The following THSD4 variants were observed in gnomAD, a reference collection of about 807,000 sequenced individuals.
The protein encoded by THSD4 is thrombospondin type-1 domain-containing protein 4.
Under a neutral mutation model 119.0 loss-of-function variants are expected in THSD4, and 69 were observed. That is an observed-to-expected ratio of 0.58 (90% confidence interval 0.48 to 0.71). The LOEUF (loss-of-function observed/expected upper bound fraction) is 0.71, where lower values mean the gene tolerates loss of function less well. Among genes scored for constraint, THSD4 ranks in the 30% least tolerant of loss-of-function variants. The pLI, the probability that THSD4 is intolerant of heterozygous loss-of-function variation, is 0.00. For missense variants in THSD4, 1,393 were observed against 1,391.1 expected (o/e 1.00, Z -0.02); for synonymous variants, 524 against 540.4 (o/e 0.97, Z 0.42).
At chr15:71,496,831 C>T (rs534418974) in intron 7 of THSD4, among the ~76,000 whole-genome samples, 4 of 152,284 alleles carry the variant, frequency 2.6e-5, no homozygotes, top group Admixed American at 1.3e-4. Flanking sequence ...TGACATGGCT[C>T]CTCCCTTCTT....
intron 3 of THSD4, among the ~76,000 whole-genome samples, chr15:71,183,723 T>TCTATTGTCATGGGCA: frequency 6.6e-6 from 1 of 151,320 alleles, no homozygotes; most frequent in South Asian, 2.1e-4. Context: ...GTACTTTCCT[T>TCTATTGTCATGGGCA]CTATCTACCC....
chr15:71,252,253 G>A (rs985293797), intron 5 of THSD4, among the ~76,000 whole-genome samples: 10 of 152,194 alleles, frequency 6.6e-5, no homozygotes, highest in African/African-American at 2.4e-4. Context: ...TACTGATAAG[G>A]TGAAGGTGAC....
rs112343255 is a variant in THSD4 at position 71,641,525 on chromosome 15, A to G, written c.1153-19005A>G. ...AATTATTTTTTCCCATTTATGATTG[A>G]CAGAAAGGTTATGCGTCTTGCCTGA... On this transcript the variant is annotated intron_variant, in intron 7 of 17. Transcript: ENST00000261862. Among the ~76,000 whole-genome samples, 375 of 152,118 alleles carry G rather than the reference A, an allele frequency of 2.5e-3. 3 individuals are homozygous for G. The highest frequency in any genetic ancestry group is 8.3e-3 in the African/African-American group (345 of 41,496).
At chr15:71,367,299 T>A (rs151009288) in intron 6 of THSD4, among the ~76,000 whole-genome samples, 1,797 of 152,282 alleles carry the variant, frequency 0.012, 13 homozygotes, top group Middle Eastern at 0.02. Context: ...TTCTTTTTTT[T>A]ATTATTATTA....
At position 71,106,257 on chromosome 15, in the gene THSD4, G is replaced by A. The variant is rs186361463; in HGVS notation, c.-80+9251G>A. 3.9e-5 allele frequency among the ~76,000 whole-genome samples: 6 copies of A among 152,118 alleles called. No individual in the cohort carries two copies. In the East Asian group the frequency reaches 9.7e-4, roughly 25 times the overall value. On this transcript the variant is annotated intron_variant, in intron 1 of 17. Coordinates refer to the THSD4 transcript ENST00000355327. The stretch of plus-strand genomic sequence containing the variant: ...AATTGCAAGGACTTCCCACTGTGAC[G>A]CAGGCCTCAGTTCTACACAGCTGCT...
chr15:71,285,452 G>C (rs117113653), intron 6 of THSD4, among the ~76,000 whole-genome samples: 2 of 152,114 alleles, frequency 1.3e-5, no homozygotes, highest in Non-Finnish European at 2.9e-5. Context: ...CATGAATTGC[G>C]CTTCACCTCC....
chr15:71,262,503 A>C (rs2044412661), intron 6 of THSD4, among the ~76,000 whole-genome samples: 1 of 152,120 alleles, frequency 6.6e-6, no homozygotes, highest in Admixed American at 6.5e-5. Flanking sequence ...GCCAAGGGTA[A>C]TGGGGCTGCA....
chr15:71,203,071 C>G (rs1478110768), intron 3 of THSD4, among the ~76,000 whole-genome samples: 1 of 152,058 alleles, frequency 6.6e-6, no homozygotes, highest in African/African-American at 2.4e-5. Context: ...TGGGAGAGAG[C>G]CTGCTTGATC....
intron 2 of THSD4, among the ~76,000 whole-genome samples, chr15:71,152,661 C>T (rs922948614): frequency 7.2e-5 from 11 of 152,086 alleles, no homozygotes; most frequent in African/African-American, 2.7e-4. Context: ...AGGTAACTGG[C>T]AAAGACGTTC....
At chr15:71,207,323 G>A (rs568430485) in intron 3 of THSD4, among the ~76,000 whole-genome samples, 1 of 152,194 alleles carries the variant, frequency 6.6e-6, no homozygotes, top group African/African-American at 2.4e-5. Context: ...TACTCTGGCT[G>A]TGGTCAATTA....
intron 5 of THSD4, among the ~76,000 whole-genome samples, chr15:71,250,081 A>G (rs2044244345): frequency 6.6e-6 from 1 of 152,192 alleles, no homozygotes; most frequent in African/African-American, 2.4e-5. Context: ...CATGCATTAT[A>G]CATTTTTGTT....
chr15:71,411,903 T>A (rs1596413189), intron 7 of THSD4, 80 bp downstream of exon 7: 1 of 1,571,060 alleles, frequency 6.4e-7, no homozygotes, highest in East Asian at 2.3e-5. Flanking sequence ...AGGGAGAGAC[T>A]AGGCTGCTAG....
At chr15:71,665,318 A>C (rs562388404) in intron 8 of THSD4, among the ~76,000 whole-genome samples, 1 of 143,080 alleles carries the variant, frequency 7.0e-6, no homozygotes, top group Non-Finnish European at 1.5e-5. Context: ...TCTTCTGTTC[A>C]TGTCTTTTGC....
intron 7 of THSD4, among the ~76,000 whole-genome samples, chr15:71,521,847 C>T (rs2048446075): frequency 6.6e-6 from 1 of 152,196 alleles, no homozygotes; most frequent in South Asian, 2.1e-4. Context: ...GCGTTTCAGA[C>T]TCCAGATGCC....
intron 10 of THSD4, chr15:71,733,733 A>G (rs1360900739): frequency 6.6e-6 from 1 of 151,916 alleles, no homozygotes; most frequent in Non-Finnish European, 1.5e-5. Flanking sequence ...CAGCCTGGAC[A>G]AAATGGCAAA....
At position 71,540,539 on chromosome 15, in the gene THSD4, T is replaced by C. The variant is rs533611736; in HGVS notation, c.1153-119991T>C. ...TAACTCCTGGGTTCAAGTGATTCTC[T>C]TGTCTCAGCCTCCCGAGTAGATGGG... On this transcript the variant is annotated intron_variant, in intron 7 of 17. Coordinates refer to ENST00000261862, the MANE Select transcript of THSD4 (RefSeq NM_024817.3). Among the ~76,000 whole-genome samples the C allele has an allele frequency of 8.3e-3, 1,131 of 136,782 alleles. 20 individuals are homozygous for C. The highest frequency in any genetic ancestry group is 0.03 in the African/African-American group (1,069 of 35,808). 89.7% of individuals were successfully genotyped at this position (136,782 alleles called of 152,430 possible).
chr15:71,151,981 A>G (rs762019718), intron 2 of THSD4, among the ~76,000 whole-genome samples: 8 of 152,216 alleles, frequency 5.3e-5, no homozygotes, highest in Non-Finnish European at 1.0e-4. Context: ...TGTTTCCGTC[A>G]TCATAGAAAA....
At chr15:71,649,097 G>C (rs1304540784) in intron 7 of THSD4, among the ~76,000 whole-genome samples, 1 of 152,140 alleles carries the variant, frequency 6.6e-6, no homozygotes, top group Non-Finnish European at 1.5e-5. Context: ...ATCCCAGCAA[G>C]TGCACTTCAG....
At chr15:71,482,609 G>C (rs1310030444) in intron 7 of THSD4, among the ~76,000 whole-genome samples, 1 of 150,472 alleles carries the variant, frequency 6.6e-6, no homozygotes, top group Non-Finnish European at 1.5e-5. Context: ...TTTTGAGAGG[G>C]AGTTTTGCTC....
Sources: allele counts gnomAD v4.1 joint callset (sites outside exome capture counted in the v4.1 genomes callset), GRCh38; gene constraint gnomAD v4.1.1; transcripts MANE v1.5; gene names NCBI Gene and HGNC (gene_info 2026-07-23, HGNC 2026-07-21).